MGAT4C: variants seen among roughly 807,000 people sequenced by gnomAD.
The protein encoded by MGAT4C is MGAT4 family member C.
Under a neutral mutation model 40.1 loss-of-function variants are expected in MGAT4C, and 19 were observed. That is an observed-to-expected ratio of 0.47 (90% CI 0.33 to 0.70). The LOEUF (loss-of-function observed/expected upper bound fraction) is 0.70. MGAT4C is among the 30% of genes least tolerant of loss of function. The probability of loss-of-function intolerance (pLI) is 0.02; values close to 1 mark genes in which losing one functional copy is unlikely to be tolerated. For synonymous variants in MGAT4C, 181 were observed against 187.1 expected (o/e 0.97, Z 0.27); for missense variants, 491 against 563.2 (o/e 0.87, Z 1.30).
chr12:86,059,220 T>A (rs1179847464), intron 1 of MGAT4C, among the ~76,000 whole-genome samples: 2 of 152,122 alleles, frequency 1.3e-5, no homozygotes, highest in African/African-American at 4.8e-5. Flanking sequence ...CTAATTTTTG[T>A]ATTTTTAGTA....
chr12:86,639,037 GA>G (rs1466197617), intron 2 of MGAT4C, among the ~76,000 whole-genome samples: 1 of 151,520 alleles, frequency 6.6e-6, no homozygotes, highest in Non-Finnish European at 1.5e-5. Context: ...ATATTATCTT[GA>G]AAAATAACAA....
intron 4 of MGAT4C, among the ~76,000 whole-genome samples, chr12:86,297,233 A>G (rs1336588126): frequency 1.3e-5 from 2 of 152,198 alleles, no homozygotes; most frequent in African/African-American, 4.8e-5. Context: ...TAAGAATAAC[A>G]TTAGCTTGTG....
At chr12:86,071,113 G>A (rs1479195748) in intron 1 of MGAT4C, among the ~76,000 whole-genome samples, 1 of 152,066 alleles carries the variant, frequency 6.6e-6, no homozygotes, top group Non-Finnish European at 1.5e-5. Flanking sequence ...CACAAAAAGA[G>A]TAGGACACTG....
intron 3 of MGAT4C, among the ~76,000 whole-genome samples, chr12:86,366,852 T>A (rs1033751535): frequency 3.2e-4 from 48 of 152,104 alleles, no homozygotes; most frequent in African/African-American, 1.1e-3. Flanking sequence ...AAACAACACA[T>A]TATCTTAATA....
chr12:86,254,440 C>A (rs1952433843), intron 1 of MGAT4C, among the ~76,000 whole-genome samples: 1 of 151,908 alleles, frequency 6.6e-6, no homozygotes, highest in Non-Finnish European at 1.5e-5. Context: ...CTAGATCATT[C>A]ATTAGCTGAA....
At chr12:86,355,626 C>CA (rs1165310129) in intron 3 of MGAT4C, among the ~76,000 whole-genome samples, 7 of 150,142 alleles carry the variant, frequency 4.7e-5, no homozygotes, top group Admixed American at 1.3e-4. Context: ...TGAAAGAAAA[C>CA]AAAAAAAATT....
At chr12:86,262,846 C>T (rs1182343624) in intron 4 of MGAT4C, among the ~76,000 whole-genome samples, 1 of 152,036 alleles carries the variant, frequency 6.6e-6, no homozygotes, top group African/African-American at 2.4e-5. Flanking sequence ...CTAGCACTTA[C>T]TAAAATATTT....
chr12:85,970,631 A>C lies in MGAT4C; in HGVS notation c.*8658T>G, dbSNP rs951600453. ...GAGCATACTGTAAGAAATTTAGTAA[A>C]GTACTAATTGAATTTAGTGATTAGA... On this transcript the variant is annotated 3_prime_UTR_variant, in exon 5 of 5. Coordinates refer to ENST00000611864, the MANE Select transcript of MGAT4C (RefSeq NM_001351288.2). The C allele has an allele frequency of 2.6e-5, 4 of 151,384 alleles. No individual in the cohort carries two copies. 9.4% of individuals were successfully genotyped at this position (151,384 alleles called of 1,614,324 possible).
At chr12:86,191,112 C>T (rs1001842512) in intron 1 of MGAT4C, among the ~76,000 whole-genome samples, 3 of 148,482 alleles carry the variant, frequency 2.0e-5, no homozygotes, top group African/African-American at 5.1e-5. Context: ...CACACACACA[C>T]ACACACACAC....
At chr12:86,187,767 C>T (rs557745477) in intron 1 of MGAT4C, among the ~76,000 whole-genome samples, 1 of 151,020 alleles carries the variant, frequency 6.6e-6, no homozygotes, top group African/African-American at 2.4e-5. Flanking sequence ...AAAAAAATGT[C>T]ATTTTTCAGG....
At chr12:86,362,747 G>T (rs1197029945) in intron 3 of MGAT4C, among the ~76,000 whole-genome samples, 1 of 151,272 alleles carries the variant, frequency 6.6e-6, no homozygotes, top group African/African-American at 2.4e-5. Flanking sequence ...GGCACCTGTA[G>T]TCCCAGCTAC....
intron 2 of MGAT4C, among the ~76,000 whole-genome samples, chr12:86,714,616 G>A (rs998670517): frequency 7.9e-5 from 12 of 152,124 alleles, no homozygotes; most frequent in South Asian, 2.1e-4. Flanking sequence ...CATACCTTTC[G>A]CCTTCCACCA....
At chr12:86,136,888 A>G (rs545033976) in intron 1 of MGAT4C, among the ~76,000 whole-genome samples, 1 of 152,020 alleles carries the variant, frequency 6.6e-6, no homozygotes, top group Non-Finnish European at 1.5e-5. Context: ...AGGTTTCACC[A>G]TGTTGGCCAG....
At chr12:86,824,334 A>C (rs888808593) in intron 1 of MGAT4C, among the ~76,000 whole-genome samples, 2 of 151,558 alleles carry the variant, frequency 1.3e-5, no homozygotes, top group African/African-American at 4.8e-5. Context: ...CTACTTTATA[A>C]GAAAAAAATA....
At chr12:86,620,341 T>C (rs1962595787) in intron 2 of MGAT4C, among the ~76,000 whole-genome samples, 2 of 149,826 alleles carry the variant, frequency 1.3e-5, no homozygotes, top group African/African-American at 4.9e-5. Context: ...AGATAAAATA[T>C]CACACACACA....
chr12:86,477,136 T>G (rs1957848669), intron 2 of MGAT4C, among the ~76,000 whole-genome samples: 1 of 151,782 alleles, frequency 6.6e-6, no homozygotes, highest in African/African-American at 2.4e-5. Context: ...TACTTAATAT[T>G]TTCAGATCAT....
chr12:86,028,408 AC>A (rs1455237408), intron 2 of MGAT4C, among the ~76,000 whole-genome samples: 1 of 151,802 alleles, frequency 6.6e-6, no homozygotes, highest in African/African-American at 2.4e-5. Flanking sequence ...AGTGATCAAC[AC>A]TTTTTTGGGG....
intron 1 of MGAT4C, among the ~76,000 whole-genome samples, chr12:86,200,133 T>G (rs1267344485): frequency 1.2e-5 from 1 of 84,270 alleles, no homozygotes; most frequent in African/African-American, 2.9e-5. Flanking sequence ...ATTTGTTTTT[T>G]TTTTTTTTTT....
chr12:86,359,413 A>G (rs1955401273), intron 3 of MGAT4C, among the ~76,000 whole-genome samples: 1 of 152,214 alleles, frequency 6.6e-6, no homozygotes, highest in Non-Finnish European at 1.5e-5. Context: ...CACAATTAAA[A>G]GAACTAGAGA....
Sources: gnomAD v4.1 joint callset for allele counts (sites outside exome capture counted in the v4.1 genomes callset) on GRCh38, gnomAD v4.1.1 for gene constraint, MANE v1.5 for transcripts, NCBI Gene and HGNC (gene_info 2026-07-23, HGNC 2026-07-21) for gene names.